DLGAP2: variants seen among roughly 807,000 people sequenced by gnomAD.
DLGAP2 encodes the protein DLG associated protein 2.
Under a neutral mutation model 100.3 loss-of-function variants are expected in DLGAP2, and 26 were observed. The ratio of observed to expected loss-of-function variants is 0.26; its 90% CI spans 0.19 to 0.36. The LOEUF (loss-of-function observed/expected upper bound fraction) is 0.36. Ranked by LOEUF, DLGAP2 falls within the 10% of genes least tolerant of loss-of-function variation. The pLI, the probability that DLGAP2 is intolerant of heterozygous loss-of-function variation, is 1.00. For synonymous variants in DLGAP2, 886 were observed against 630.1 expected, an observed-to-expected ratio of 1.41 and a Z score of -6.08; for missense variants, 1,858 against 1,453.2, an observed-to-expected ratio of 1.28 and a Z score of -4.53.
chr8:1,519,695 C>T (rs1271645299), intron 4 of DLGAP2, among the ~76,000 whole-genome samples: 1 of 152,236 alleles, frequency 6.6e-6, no homozygotes, highest in Non-Finnish European at 1.5e-5. Context: ...TCATTGTGGG[C>T]CTGGGATCCG....
intron 2 of DLGAP2, among the ~76,000 whole-genome samples, chr8:1,193,037 GTATATGT>G (rs1797673422): frequency 6.6e-6 from 1 of 152,104 alleles, no homozygotes; most frequent in Non-Finnish European, 1.5e-5. Context: ...ATTCCATGGT[GTATATGT>G]GCCACATTTT....
intron 3 of DLGAP2, among the ~76,000 whole-genome samples, chr8:1,383,544 C>T (rs926313398): frequency 3.3e-5 from 5 of 152,266 alleles, no homozygotes; most frequent in East Asian, 3.9e-4. Context: ...GCGACGTTAC[C>T]GGTCTGAGGA....
At chr8:1,529,689 C>G (rs558800899) in intron 4 of DLGAP2, among the ~76,000 whole-genome samples, 1 of 152,162 alleles carries the variant, frequency 6.6e-6, no homozygotes, top group Non-Finnish European at 1.5e-5. Flanking sequence ...GAAAAAATGG[C>G]AAATAATTAC....
chr8:1,329,208 C>G (rs1455923609), intron 3 of DLGAP2, among the ~76,000 whole-genome samples: 4 of 152,212 alleles, frequency 2.6e-5, no homozygotes, highest in African/African-American at 7.2e-5. Context: ...GGATTAAAAA[C>G]AATGTCTTTT....
chr8:1,006,255 T>C (rs542934994), intron 2 of DLGAP2, among the ~76,000 whole-genome samples: 1 of 152,306 alleles, frequency 6.6e-6, no homozygotes, highest in Admixed American at 6.5e-5. Flanking sequence ...ACAACTGTGC[T>C]ATGCTTCTGG....
chr8:840,593 C>T lies in DLGAP2; in HGVS notation c.19-67319C>T, dbSNP rs113247099. ...CACGGTGCACGCCTGCACGTCTCCC[C>T]ACACTCTGGATTCTGCGAGCGCGTC... On this transcript the variant is annotated intron_variant, in intron 1 of 14. Transcript: ENST00000637795. 9.7e-3 allele frequency among the ~76,000 whole-genome samples: 544 copies of T among 56,186 alleles called. 2 individuals are homozygous for T. The highest frequency in any genetic ancestry group is 0.023 in the Admixed American group (90 of 3,874). The allele number at this position is 56,186 out of a possible 152,430, so 36.9% of individuals were successfully genotyped here. A position where few individuals can be genotyped will look rare whatever the true frequency, so the allele number is the denominator to read the frequency against.
intron 2 of DLGAP2, among the ~76,000 whole-genome samples, chr8:989,973 G>C (rs1313458402): frequency 6.6e-6 from 1 of 152,058 alleles, no homozygotes; most frequent in African/African-American, 2.4e-5. Flanking sequence ...GAGCTCTGAG[G>C]AACGTATTCC....
At chr8:1,231,012 C>A (rs1335736427) in intron 2 of DLGAP2, among the ~76,000 whole-genome samples, 2 of 152,064 alleles carry the variant, frequency 1.3e-5, no homozygotes, top group Non-Finnish European at 2.9e-5. Flanking sequence ...ACAAGTGGGA[C>A]CTAATTAAGT....
chr8:763,537 C>T (rs1821139765), intron 1 of DLGAP2, among the ~76,000 whole-genome samples: 1 of 152,136 alleles, frequency 6.6e-6, no homozygotes. Flanking sequence ...AGAATTTGCT[C>T]GAAAGGGTCT....
chr8:1,036,231 G>C (rs1212772112), intron 2 of DLGAP2, among the ~76,000 whole-genome samples: 2 of 152,016 alleles, frequency 1.3e-5, no homozygotes, highest in Non-Finnish European at 2.9e-5. Flanking sequence ...GCGTGTCACC[G>C]CGAGTGGATT....
intron 2 of DLGAP2, among the ~76,000 whole-genome samples, chr8:1,253,704 ATC>A (rs902204226): frequency 6.6e-6 from 1 of 152,182 alleles, no homozygotes; most frequent in African/African-American, 2.4e-5. Flanking sequence ...AGATTTCTCC[ATC>A]TGTGTCAATT....
chr8:1,316,229 G>T (rs1388755665), intron 3 of DLGAP2, among the ~76,000 whole-genome samples: 1 of 128,496 alleles, frequency 7.8e-6, no homozygotes, highest in Non-Finnish European at 1.7e-5. Flanking sequence ...TCCAACAGTG[G>T]TCTACACTCG....
intron 1 of DLGAP2, among the ~76,000 whole-genome samples, chr8:803,394 A>G (rs1373135546): frequency 6.6e-6 from 1 of 151,660 alleles, no homozygotes; most frequent in Non-Finnish European, 1.5e-5. Flanking sequence ...AATAACATCT[A>G]CCTCTGCATG....
intron 2 of DLGAP2, among the ~76,000 whole-genome samples, chr8:915,774 G>C (rs1240298174): frequency 1.3e-5 from 2 of 151,798 alleles, no homozygotes; most frequent in Non-Finnish European, 2.9e-5. Context: ...TCTGTCCCAG[G>C]GCGTGGTTTC....
intron 3 of DLGAP2, among the ~76,000 whole-genome samples, chr8:1,328,242 T>A (rs1055492603): frequency 2.0e-5 from 3 of 151,942 alleles, no homozygotes; most frequent in Non-Finnish European, 4.4e-5. Flanking sequence ...GGATTTCACC[T>A]CATTGGCCAG....
chr8:1,571,667 G>C (rs1802693197), intron 6 of DLGAP2, among the ~76,000 whole-genome samples: 2 of 142,122 alleles, frequency 1.4e-5, no homozygotes, highest in Non-Finnish European at 3.1e-5. Flanking sequence ...AGAGAGAGAA[G>C]GGTGAACTGT....
chr8:1,273,589 TGTGCA>T (rs1252982424), intron 3 of DLGAP2, among the ~76,000 whole-genome samples: 1 of 152,194 alleles, frequency 6.6e-6, no homozygotes, highest in Non-Finnish European at 1.5e-5. Flanking sequence ...GGCTTTATCA[TGTGCA>T]GAGGCAGCTC....
Position 756,256 on chromosome 8 carries a change from T to C in DLGAP2, c.18+18431T>C, listed in dbSNP as rs953904616. On this transcript the variant is annotated intron_variant, in intron 1 of 14. Coordinates refer to ENST00000637795, the MANE Select transcript of DLGAP2 (RefSeq NM_001346810.2). ...GAGACGGGAGAAGGTGATGGGCTCA[T>C]GCTGTTTAGCAAGTGGGCCAGGCAT... Among the ~76,000 whole-genome samples, 3 of 152,030 alleles carry C rather than the reference T, an allele frequency of 2.0e-5. No homozygotes were observed. The East Asian group carries it at 5.8e-4, about 29-fold the overall frequency.
At chr8:1,332,872 C>T (rs976469244) in intron 3 of DLGAP2, among the ~76,000 whole-genome samples, 6 of 152,166 alleles carry the variant, frequency 3.9e-5, no homozygotes, top group African/African-American at 1.2e-4. Flanking sequence ...GCAGCAGACA[C>T]GTGTGTTGAA....
Sources: gnomAD v4.1 joint callset for allele counts (sites outside exome capture counted in the v4.1 genomes callset) on GRCh38, gnomAD v4.1.1 for gene constraint, MANE v1.5 for transcripts, NCBI Gene and HGNC (gene_info 2026-07-23, HGNC 2026-07-21) for gene names.